The following PTPRT variants were observed in gnomAD, a reference collection of about 807,000 sequenced individuals.
PTPRT encodes the protein protein tyrosine phosphatase receptor type T, also known as receptor-type tyrosine-protein phosphatase T.
In PTPRT, 56 loss-of-function variants were observed where a neutral mutation model predicts 176.8. The ratio of observed to expected loss-of-function variants is 0.32; its 90% confidence interval spans 0.26 to 0.40. PTPRT has a LOEUF of 0.40. Ranked by LOEUF, PTPRT falls within the 10% of genes least tolerant of loss-of-function variation. PTPRT has a pLI of 1.00. For synonymous variants in PTPRT, 783 were observed against 739.0 expected (o/e 1.06, Z -0.96); for missense variants, 1,540 against 1,908.2 (o/e 0.81, Z 3.60).
chr20:42,671,660 G>A (rs2075415001), intron 7 of PTPRT, among the ~76,000 whole-genome samples: 1 of 152,140 alleles, frequency 6.6e-6, no homozygotes, highest in Admixed American at 6.5e-5. Flanking sequence ...CATAACAATA[G>A]CAGCAACCAA....
chr20:42,940,887 C>A lies in PTPRT; in HGVS notation c.89-54955G>T, dbSNP rs866848512. On this transcript the variant is annotated intron_variant, in intron 1 of 30. Coordinates refer to ENST00000373187, the MANE Select transcript of PTPRT (RefSeq NM_007050.6). ...ACAAGGTCAGGAGTTCAAAACCAGC[C>A]TGACCAATAAGGTGAAACCCCACCT... Among the ~76,000 whole-genome samples the A allele has an allele frequency of 3.9e-5, 6 of 152,108 alleles. 1 individual carries two copies. In the South Asian group the frequency reaches 1.2e-3, roughly 32 times the overall value.
chr20:42,743,946 C>CT (rs1266890959), intron 6 of PTPRT, among the ~76,000 whole-genome samples: 2 of 152,196 alleles, frequency 1.3e-5, no homozygotes, highest in African/African-American at 4.8e-5. Context: ...ACTGCAAAAT[C>CT]TTTTACTCTA....
intron 1 of PTPRT, among the ~76,000 whole-genome samples, chr20:43,102,739 C>T (rs547650513): frequency 7.9e-5 from 12 of 152,278 alleles, no homozygotes; most frequent in African/African-American, 2.4e-4. Flanking sequence ...GGACTGCACG[C>T]TGGTACCTAT....
At position 42,983,477 on chromosome 20, in the gene PTPRT, AC is replaced by A. The variant is rs1412042522; in HGVS notation, c.89-97546del. Among the ~76,000 whole-genome samples the A allele has an allele frequency of 2.6e-5, 4 of 152,306 alleles. No individual in the cohort carries two copies. The South Asian group carries it at 8.3e-4, about 32-fold the overall frequency. On this transcript the variant is annotated intron_variant, in intron 1 of 30. Coordinates refer to ENST00000373187, the MANE Select transcript of PTPRT (RefSeq NM_007050.6). ...GCAGAGCCACAGTGGGAGTCCAGGC[AC>A]CACCAGGGTGTTCTGCCTCCCAAGT... is the stretch of plus-strand genomic sequence containing the variant.
chr20:42,715,648 C>G (rs932716689), intron 6 of PTPRT, among the ~76,000 whole-genome samples: 2 of 152,100 alleles, frequency 1.3e-5, no homozygotes, highest in African/African-American at 4.8e-5. Flanking sequence ...AATAAAGAGA[C>G]TTTGCAACCC....
intron 7 of PTPRT, among the ~76,000 whole-genome samples, chr20:42,475,457 C>G (rs1016824940): frequency 6.6e-6 from 1 of 152,194 alleles, no homozygotes; most frequent in Non-Finnish European, 1.5e-5. Context: ...CCTAAAGCCA[C>G]AGAGTGAGAG....
At chr20:42,500,318 T>C (rs2071729656) in intron 7 of PTPRT, among the ~76,000 whole-genome samples, 1 of 152,060 alleles carries the variant, frequency 6.6e-6, no homozygotes. Context: ...TATGCCGGTC[T>C]ACTCACTACC....
At chr20:42,700,725 G>A (rs1026733904) in intron 6 of PTPRT, among the ~76,000 whole-genome samples, 1 of 152,192 alleles carries the variant, frequency 6.6e-6, no homozygotes, top group African/African-American at 2.4e-5. Flanking sequence ...TGTGTGGCCT[G>A]GGATAAGTCA....
intron 1 of PTPRT, among the ~76,000 whole-genome samples, chr20:43,083,355 T>TATATATATATAC (rs2011513639): frequency 7.9e-6 from 1 of 127,322 alleles, no homozygotes; most frequent in Non-Finnish European, 1.6e-5. Flanking sequence ...TATATATATA[T>TATATATATATAC]ATATATATAT....
chr20:42,626,085 C>G (rs1208626410), intron 7 of PTPRT, among the ~76,000 whole-genome samples: 2 of 151,954 alleles, frequency 1.3e-5, no homozygotes, highest in African/African-American at 2.4e-5. Flanking sequence ...AACTATCGAG[C>G]TTTTGTGTTT....
At chr20:42,659,751 C>T (rs2075190156) in intron 7 of PTPRT, among the ~76,000 whole-genome samples, 1 of 152,080 alleles carries the variant, frequency 6.6e-6, no homozygotes, top group African/African-American at 2.4e-5. Flanking sequence ...ATATACAGTC[C>T]TATATAAAAT....
chr20:42,606,526 T>G (rs2073879967), intron 7 of PTPRT, among the ~76,000 whole-genome samples: 1 of 152,210 alleles, frequency 6.6e-6, no homozygotes, highest in African/African-American at 2.4e-5. Context: ...ATAAAACATG[T>G]TCACTCCATT....
intron 12 of PTPRT, among the ~76,000 whole-genome samples, chr20:42,289,543 T>C (rs984339048): frequency 6.6e-6 from 1 of 152,040 alleles, no homozygotes; most frequent in Non-Finnish European, 1.5e-5. Flanking sequence ...CTCAGCATTG[T>C]TAATCATCGG....
At chr20:42,558,478 A>G (rs932787846) in intron 7 of PTPRT, among the ~76,000 whole-genome samples, 1 of 152,144 alleles carries the variant, frequency 6.6e-6, no homozygotes, top group African/African-American at 2.4e-5. Flanking sequence ...TCCTTTGAGT[A>G]TAATCGTAAT....
chr20:42,710,256 T>C (rs2076124524), intron 6 of PTPRT, among the ~76,000 whole-genome samples: 1 of 152,204 alleles, frequency 6.6e-6, no homozygotes, highest in Non-Finnish European at 1.5e-5. Flanking sequence ...CAAGGGCTAA[T>C]AGCCAAGACA....
intron 14 of PTPRT, among the ~76,000 whole-genome samples, chr20:42,246,079 G>T (rs2056445357): frequency 6.6e-6 from 1 of 152,108 alleles, no homozygotes; most frequent in African/African-American, 2.4e-5. Flanking sequence ...TTCCTTTGAG[G>T]TAGATGTAGA....
chr20:42,680,498 C>T (rs962733013), intron 6 of PTPRT, among the ~76,000 whole-genome samples: 1 of 152,120 alleles, frequency 6.6e-6, no homozygotes, highest in Non-Finnish European at 1.5e-5. Flanking sequence ...TATATGGAAC[C>T]TTTGATTGCC....
the PTPRT span, among the ~76,000 whole-genome samples, chr20:42,038,019 C>A: frequency 6.6e-6 from 1 of 152,172 alleles, no homozygotes; most frequent in Admixed American, 6.5e-5. Context: ...CATCACCACA[C>A]CCTACAGGGT....
chr20:42,956,198 G>T (rs1454787977), intron 1 of PTPRT, among the ~76,000 whole-genome samples: 1 of 152,156 alleles, frequency 6.6e-6, no homozygotes, highest in Admixed American at 6.5e-5. Context: ...TGGTGAGACA[G>T]TTTGGATGTT....
Sources: gnomAD v4.1 joint callset for allele counts (sites outside exome capture counted in the v4.1 genomes callset) on GRCh38, gnomAD v4.1.1 for gene constraint, MANE v1.5 for transcripts, NCBI Gene and HGNC (gene_info 2026-07-23, HGNC 2026-07-21) for gene names.